The following ARPC4 variants were observed in gnomAD, a reference collection of about 807,000 sequenced individuals.
The protein encoded by ARPC4 is actin-related protein 2/3 complex subunit 4.
In ARPC4, 3 loss-of-function variants were observed where a neutral mutation model predicts 22.8. That is an observed-to-expected ratio of 0.13 (90% CI 0.06 to 0.34). The LOEUF (loss-of-function observed/expected upper bound fraction) is 0.34. Among genes scored for constraint, ARPC4 ranks in the 10% least tolerant of loss-of-function variants. The pLI is 1.00. For synonymous variants in ARPC4, 80 were observed against 72.5 expected, an observed-to-expected ratio of 1.10 and a Z score of -0.52; for missense variants, 98 against 211.0, an observed-to-expected ratio of 0.46 and a Z score of 3.32.
chr3:9,794,032 T>C (rs2078821166), intron 1 of ARPC4, among the ~76,000 whole-genome samples: 1 of 152,252 alleles, frequency 6.6e-6, no homozygotes. Context: ...TGGCAAACTT[T>C]TGTGACCTCA....
At chr3:9,793,054 C>T, upstream of ARPC4, 2 of 1,544,474 alleles carry the variant, frequency 1.3e-6, no homozygotes, top group Non-Finnish European at 8.7e-7. Context: ...GCGCTTCTCG[C>T]GAAAGGGCAG....
chr3:9,804,929 C>T (rs1178996819), intron 5 of ARPC4, among the ~76,000 whole-genome samples: 2 of 152,254 alleles, frequency 1.3e-5, no homozygotes, highest in African/African-American at 2.4e-5. Flanking sequence ...TCAGGCATGT[C>T]ACTGAACTCT....
At chr3:9,796,824 C>G (rs2078902513) in intron 1 of ARPC4, among the ~76,000 whole-genome samples, 2 of 151,566 alleles carry the variant, frequency 1.3e-5, no homozygotes. Context: ...GCCTGTAGTC[C>G]CAGCTACTTG....
chr3:9,800,032 A>G lies in ARPC4; in HGVS notation c.123-153A>G, dbSNP rs1001065122. The stretch of plus-strand genomic sequence containing the variant: ...GCCTGTGCTCTTTCTGCTGAAGAAC[A>G]CACTCACTGGCCCCCATCTTGGAGC... On this transcript the variant is annotated intron_variant, in intron 2 of 5. Transcript: ENST00000397261. 9 of 743,804 alleles carry G rather than the reference A, an allele frequency of 1.2e-5. No individual in the cohort carries two copies. In the Admixed American group the frequency reaches 1.9e-4, roughly 16 times the overall value. 46.1% of individuals were successfully genotyped at this position (743,804 alleles called of 1,614,324 possible). A position where few individuals can be genotyped will look rare whatever the true frequency, so the allele number is the denominator to read the frequency against.
upstream of ARPC4, chr3:9,792,676 G>A: frequency 8.1e-7 from 1 of 1,233,414 alleles, no homozygotes; most frequent in African/African-American, 1.5e-5. Flanking sequence ...CCGCGCTGCA[G>A]TTAGCCCCGC....
At chr3:9,797,546 T>G in intron 1 of ARPC4, 113 bp from the exon 2 acceptor site, 1 of 1,196,504 alleles carries the variant, frequency 8.4e-7, no homozygotes, top group Non-Finnish European at 1.2e-6. Flanking sequence ...AGTAGTGTCT[T>G]AAGAGCCTTG....
At chr3:9,796,967 C>T (rs1054255387) in intron 1 of ARPC4, among the ~76,000 whole-genome samples, 1 of 150,216 alleles carries the variant, frequency 6.7e-6, no homozygotes, top group Non-Finnish European at 1.5e-5. Context: ...AAAGAATGTC[C>T]TTATTCTCCT....
intron 1 of ARPC4, among the ~76,000 whole-genome samples, chr3:9,797,104 G>T (rs556784912): frequency 6.6e-6 from 1 of 152,068 alleles, no homozygotes; most frequent in South Asian, 2.1e-4. Context: ...TTGCTATCCA[G>T]TTGAGCTGTT....
chr3:9,806,283 T>C lies in ARPC4; in HGVS notation c.*68T>C. The C allele has an allele frequency of 6.4e-7, 1 of 1,565,016 alleles. No individual in the cohort carries two copies. Among genetic ancestry groups the C allele is most frequent in the South Asian group, 1.1e-5 (1 of 90,102 alleles). ...ATGTCTCCACGAAGGCGTCCTGGAG[T>C]CACTCCCCGAGCAGCGCGGCGGCGG... On this transcript the variant is annotated 3_prime_UTR_variant, in exon 6 of 6. Coordinates refer to ENST00000397261, the MANE Select transcript of ARPC4 (RefSeq NM_005718.5).
chr3:9,801,788 C>A, intron 4 of ARPC4, 32 bp downstream of exon 4: 2 of 1,560,946 alleles, frequency 1.3e-6, no homozygotes, highest in Non-Finnish European at 1.7e-6. Context: ...GTTTGCGATA[C>A]CCAGGACCCT....
chr3:9,794,270 C>T (rs1055526253), intron 1 of ARPC4, among the ~76,000 whole-genome samples: 18 of 152,082 alleles, frequency 1.2e-4, no homozygotes, highest in Non-Finnish European at 2.1e-4. Flanking sequence ...GAGGCAGAGG[C>T]GGGCGGATCA....
upstream of ARPC4, chr3:9,792,531 C>T (rs1187083081): frequency 1.6e-6 from 2 of 1,224,214 alleles, no homozygotes; most frequent in Non-Finnish European, 2.0e-6. Context: ...GAGGGCGAGC[C>T]TACTGGAGTT....
In ARPC4 at chr3:9,806,516, C is replaced by A; in HGVS notation, c.*301C>A. On this transcript the variant is annotated 3_prime_UTR_variant, in exon 6 of 6. Coordinates refer to ENST00000397261, the MANE Select transcript of ARPC4 (RefSeq NM_005718.5). ...TTGTAGGATACTGTAACCTTTTTGTCTTTTTTTTTTTTTTTTTTTTTAAAC... is the reference window on the plus strand; with the variant it reads ...TTGTAGGATACTGTAACCTTTTTGTATTTTTTTTTTTTTTTTTTTTTAAAC... 1 of 232,150 alleles carries A rather than the reference C, an allele frequency of 4.3e-6. No individual in the cohort carries two copies. The highest frequency in any genetic ancestry group is 8.0e-6 in the Non-Finnish European group (1 of 124,582). 14.4% of individuals were successfully genotyped at this position (232,150 alleles called of 1,614,324 possible).
rs748081424 is a variant in ARPC4, at chr3:9,797,688, C to T, written c.33C>T (p.Ala11=). The change falls in exon 2 of 6, where the codon GCC becomes GCT. Residue 11 remains alanine, a synonymous_variant. Transcript: ENST00000397261. ...CCACTCTCCGCCCCTACCTGAGTGC[C>T]GTGCGGGCCACATTGCAGGCTGCCC... MTATLRPYLS[A]VRATLQAALC... 17 of 1,613,980 alleles carry T rather than the reference C, an allele frequency of 1.1e-5. No homozygotes were observed. Among genetic ancestry groups the T allele is most frequent in the Admixed American group, 5.0e-5 (3 of 59,988 alleles).
At chr3:9,796,283 A>G (rs1211959304) in intron 1 of ARPC4, among the ~76,000 whole-genome samples, 3 of 152,174 alleles carry the variant, frequency 2.0e-5, no homozygotes, top group Non-Finnish European at 4.4e-5. Context: ...AATCCCAGCT[A>G]CTCGGGAGGC....
chr3:9,792,752 G>A, upstream of ARPC4: 1 of 1,243,470 alleles, frequency 8.0e-7, no homozygotes. Flanking sequence ...CGGAAGAAAC[G>A]AAGGGCTCGT....
At chr3:9,792,663 T>G (rs2078768026), upstream of ARPC4, 9 of 1,232,140 alleles carry the variant, frequency 7.3e-6, no homozygotes, top group Admixed American at 2.5e-4. Flanking sequence ...GCGGCCGAGA[T>G]CTCCGCGCTG....
intron 2 of ARPC4, among the ~76,000 whole-genome samples, chr3:9,799,536 G>A (rs1370927522): frequency 2.0e-5 from 3 of 151,566 alleles, no homozygotes; most frequent in African/African-American, 7.3e-5. Context: ...GCCACCTCCT[G>A]AGTTCGAGCA....
chr3:9,798,963 G>A (rs966990411), intron 2 of ARPC4, among the ~76,000 whole-genome samples: 1 of 152,168 alleles, frequency 6.6e-6, no homozygotes, highest in East Asian at 1.9e-4. Flanking sequence ...TAAATGATAC[G>A]ATTTAATTTT....
Sources: allele counts gnomAD v4.1 joint callset (sites outside exome capture counted in the v4.1 genomes callset), GRCh38; gene constraint gnomAD v4.1.1; transcripts MANE v1.5; gene names NCBI Gene and HGNC (gene_info 2026-07-23, HGNC 2026-07-21).